PTGIS: variants seen among roughly 807,000 people sequenced by gnomAD.
PTGIS encodes the protein prostaglandin I2 synthase, also known as prostacyclin synthase.
PTGIS carries 45 observed loss-of-function variants against 50.3 expected under a neutral mutation model. The observed-to-expected ratio is 0.90, with a 90% CI of 0.70 to 1.15. The LOEUF is 1.15. Ranked by LOEUF, PTGIS falls within the 50% of genes most tolerant of loss-of-function variation. The pLI, the probability that PTGIS is intolerant of heterozygous loss-of-function variation, is 0.00. For missense variants in PTGIS, 668 were observed against 661.3 expected (o/e 1.01, Z -0.11); for synonymous variants, 260 against 267.7 (o/e 0.97, Z 0.28).
intron 5 of PTGIS, among the ~76,000 whole-genome samples, chr20:49,531,536 A>C (rs914910980): frequency 1.3e-5 from 2 of 152,256 alleles, no homozygotes; most frequent in African/African-American, 2.4e-5. Flanking sequence ...AGGTTGCCCC[A>C]AAAATCAAAA....
intron 1 of PTGIS, among the ~76,000 whole-genome samples, chr20:49,555,771 A>C (rs1486883069): frequency 6.6e-6 from 1 of 152,224 alleles, no homozygotes; most frequent in Middle Eastern, 3.2e-3. Flanking sequence ...GACTTTTGTC[A>C]TCCACAGTTG....
intron 5 of PTGIS, 124 bp downstream of exon 5, chr20:49,539,446 C>T: frequency 1.7e-6 from 2 of 1,176,982 alleles, no homozygotes; most frequent in East Asian, 2.6e-5. Flanking sequence ...GGGGATCTTA[C>T]TGCCTCCCTG....
At chr20:49,558,823 C>T (rs1982688386) in intron 1 of PTGIS, among the ~76,000 whole-genome samples, 1 of 151,878 alleles carries the variant, frequency 6.6e-6, no homozygotes, top group Non-Finnish European at 1.5e-5. Flanking sequence ...AAGTGATTCT[C>T]CTGCCTCAGC....
chr20:49,563,875 G>C (rs1601208017), intron 1 of PTGIS, among the ~76,000 whole-genome samples: 1 of 152,234 alleles, frequency 6.6e-6, no homozygotes, highest in East Asian at 1.9e-4. Context: ...AGTGCTCCCT[G>C]TGGTGGTCAC....
intron 6 of PTGIS, among the ~76,000 whole-genome samples, chr20:49,516,779 C>T (rs1159840554): frequency 6.6e-6 from 1 of 152,192 alleles, no homozygotes; most frequent in Non-Finnish European, 1.5e-5. Flanking sequence ...ACGAAGTACT[C>T]CCCGGTCACT....
Position 49,568,129 on chromosome 20 carries a change from G to GGGGCTGGCA in PTGIS, c.-14_-13insTGCCAGCCC. ...CGGCCCAAGCCATCGCGGGGCTGGC[G>GGGGCTGGCA]GGGCTGGCGGGGCTGGCGGGGCTGG... On this transcript the variant is annotated 5_prime_UTR_variant, in exon 1 of 10. Coordinates refer to ENST00000244043, the MANE Select transcript of PTGIS (RefSeq NM_000961.4). 1 of 1,155,412 alleles carries GGGGCTGGCA rather than the reference G, an allele frequency of 8.7e-7. No individual in the cohort carries two copies. Among genetic ancestry groups the GGGGCTGGCA allele is most frequent in the Non-Finnish European group, 1.1e-6 (1 of 891,148 alleles). 71.6% of individuals were successfully genotyped at this position (1,155,412 alleles called of 1,614,324 possible). A position where few individuals can be genotyped will look rare whatever the true frequency, so the allele number is the denominator to read the frequency against.
At position 49,540,581 on chromosome 20, in the gene PTGIS, G is replaced by A. The variant is rs1011484749; in HGVS notation, c.522-860C>T. Among the ~76,000 whole-genome samples, 1 of 152,110 alleles carries A rather than the reference G, an allele frequency of 6.6e-6. No homozygotes were observed. Among genetic ancestry groups the A allele is most frequent in the African/African-American group, 2.4e-5 (1 of 41,408 alleles). On this transcript the variant is annotated intron_variant, in intron 4 of 9. Coordinates refer to ENST00000244043, the MANE Select transcript of PTGIS (RefSeq NM_000961.4). The surrounding 1 kb of genome is among the most constrained non-coding windows in gnomAD (Gnocchi z 4.8). ...GGGGCTCTGGGAGGCCCGAGAAGGA[G>A]GTCAGGGCCTGGTCAAGTGTGAAAA...
intron 2 of PTGIS, 147 bp from the exon 3 acceptor site, chr20:49,548,166 C>T (rs1982413932): frequency 3.8e-6 from 3 of 782,200 alleles, no homozygotes; most frequent in Non-Finnish European, 6.5e-6. Context: ...TACCACCTAC[C>T]ACCCTGTGAG....
At chr20:49,566,833 T>C (rs78865809) in intron 1 of PTGIS, among the ~76,000 whole-genome samples, 2,661 of 152,250 alleles carry the variant, frequency 0.017, 29 homozygotes, top group Middle Eastern at 0.024. Flanking sequence ...AGGACAGTAA[T>C]GGGAAACTGG....
intron 2 of PTGIS, among the ~76,000 whole-genome samples, chr20:49,548,501 T>TGGAA (rs1204174229): frequency 6.6e-6 from 1 of 151,364 alleles, no homozygotes; most frequent in Non-Finnish European, 1.5e-5. Flanking sequence ...GATGGATGGA[T>TGGAA]GGAAGGAAGG....
Position 49,544,231 on chromosome 20 carries a change from T to C in PTGIS, c.521+74A>G. Reference sequence around the variant, plus strand: ...CACCCACAGAGTCCTCACGGTTCCCTTGGCCACTGCTCATGGCTGACACAG... The same window carrying C: ...CACCCACAGAGTCCTCACGGTTCCCCTGGCCACTGCTCATGGCTGACACAG... On this transcript the variant is annotated intron_variant, in intron 4 of 9. Coordinates refer to ENST00000244043, the MANE Select transcript of PTGIS (RefSeq NM_000961.4). 4 of 1,591,192 alleles carry C rather than the reference T, an allele frequency of 2.5e-6. No individual in the cohort carries two copies. The South Asian group carries it at 4.5e-5, about 18-fold the overall frequency.
intron 6 of PTGIS, among the ~76,000 whole-genome samples, chr20:49,522,152 T>C (rs1331472041): frequency 1.3e-5 from 2 of 152,020 alleles, no homozygotes; most frequent in Admixed American, 1.3e-4. Flanking sequence ...TCACTCTGCT[T>C]CAGCTGTGTG....
chr20:49,568,079 A>T lies in PTGIS; in HGVS notation c.38T>A (p.Leu13Gln). The change falls in exon 1 of 10, where the codon CTG becomes CAG. Residue 13 changes from leucine to glutamine, a missense_variant. Coordinates refer to ENST00000244043, the MANE Select transcript of PTGIS (RefSeq NM_000961.4). ...WAALLGLLAA[L>Q]LLLLLLSRRR... ...GCGGCTCAGTAGCAGCAGCAGCAAC[A>T]GTGCGGCCAGGAGGCCGAGGAGCGC... 1 of 1,462,300 alleles carries T rather than the reference A, an allele frequency of 6.8e-7. No individual in the cohort carries two copies. The highest frequency in any genetic ancestry group is 9.0e-7 in the Non-Finnish European group (1 of 1,112,314). 90.6% of individuals were successfully genotyped at this position (1,462,300 alleles called of 1,614,324 possible).
rs901116066 is a variant in PTGIS at position 49,566,417 on chromosome 20, T to C, written c.74+1626A>G. On this transcript the variant is annotated intron_variant, in intron 1 of 9. Coordinates refer to ENST00000244043, the MANE Select transcript of PTGIS (RefSeq NM_000961.4). ...AACATAATGTCTGAAAACATTTCTA[T>C]ACAGTGTATTGAGAAAGCCTGACAG... Among the ~76,000 whole-genome samples, 3 of 152,258 alleles carry C rather than the reference T, an allele frequency of 2.0e-5. No homozygotes were observed. The South Asian group carries it at 6.2e-4, about 31-fold the overall frequency.
intron 3 of PTGIS, 103 bp from the exon 4 acceptor site, chr20:49,544,551 C>T: frequency 1.5e-6 from 2 of 1,353,680 alleles, no homozygotes; most frequent in Middle Eastern, 1.9e-4. Context: ...CTCAAGCTCC[C>T]CATTGGCAAA....
chr20:49,522,970 G>C (rs763466164), intron 6 of PTGIS, among the ~76,000 whole-genome samples: 1 of 152,160 alleles, frequency 6.6e-6, no homozygotes, highest in Non-Finnish European at 1.5e-5. Flanking sequence ...GTTGCCGTGA[G>C]CCGAGATTAT....
intron 8 of PTGIS, among the ~76,000 whole-genome samples, chr20:49,512,167 G>T (rs1166703482): frequency 6.6e-6 from 1 of 151,906 alleles, no homozygotes; most frequent in African/African-American, 2.4e-5. Flanking sequence ...GTGGATGGAT[G>T]GATGGATGGG....
chr20:49,559,969 G>A (rs973483348), intron 1 of PTGIS, among the ~76,000 whole-genome samples: 25 of 150,996 alleles, frequency 1.7e-4, no homozygotes, highest in African/African-American at 4.9e-4. Context: ...CTGTCGCCAA[G>A]GCTGGAGTGC....
intron 5 of PTGIS, among the ~76,000 whole-genome samples, chr20:49,531,011 G>A (rs1015902328): frequency 1.5e-4 from 23 of 151,992 alleles, no homozygotes; most frequent in African/African-American, 5.6e-4. Context: ...TGCCCAACTC[G>A]GCCTCCCAAA....
Sources: allele counts gnomAD v4.1 joint callset (sites outside exome capture counted in the v4.1 genomes callset), GRCh38; gene constraint gnomAD v4.1.1; non-coding constraint Gnocchi (gnomAD v3.1); transcripts MANE v1.5; gene names NCBI Gene and HGNC (gene_info 2026-07-23, HGNC 2026-07-21).